The following LRRC4C variants were observed in gnomAD, a reference collection of about 807,000 sequenced individuals.
The protein encoded by LRRC4C is leucine-rich repeat-containing protein 4C.
A neutral mutation model predicts 33.6 loss-of-function variants in LRRC4C; 5 were observed. That is an observed-to-expected ratio of 0.15 (90% confidence interval 0.08 to 0.31). The LOEUF (loss-of-function observed/expected upper bound fraction) is 0.31. Ranked by LOEUF, LRRC4C falls within the 10% of genes least tolerant of loss-of-function variation. LRRC4C has a pLI of 1.00. For synonymous variants in LRRC4C, 329 were observed against 302.0 expected (o/e 1.09, Z -0.93); for missense variants, 560 against 796.7 (o/e 0.70, Z 3.58).
At chr11:40,837,722 T>C (rs1952735229) in intron 2 of LRRC4C, among the ~76,000 whole-genome samples, 5 of 150,740 alleles carry the variant, frequency 3.3e-5, no homozygotes, top group Admixed American at 2.7e-4. Flanking sequence ...TGGTGGTATG[T>C]GCCTGTGGTC....
chr11:40,789,808 G>A (rs1036296851), intron 2 of LRRC4C, among the ~76,000 whole-genome samples: 9 of 152,062 alleles, frequency 5.9e-5, no homozygotes, highest in African/African-American at 2.2e-4. Context: ...CTAGGTTTTG[G>A]GGACTCACAA....
intron 1 of LRRC4C, among the ~76,000 whole-genome samples, chr11:41,385,508 A>T (rs1339807664): frequency 6.6e-6 from 1 of 151,656 alleles, no homozygotes; most frequent in Non-Finnish European, 1.5e-5. Context: ...ACACATGCAT[A>T]AATAAGTTAT....
At chr11:41,347,791 C>T (rs1399360234) in intron 1 of LRRC4C, among the ~76,000 whole-genome samples, 1 of 152,130 alleles carries the variant, frequency 6.6e-6, no homozygotes, top group Non-Finnish European at 1.5e-5. Flanking sequence ...GACAGTCTCT[C>T]AGCTTTATAA....
chr11:40,330,647 A>T (rs1287611272), intron 3 of LRRC4C, among the ~76,000 whole-genome samples: 1 of 152,166 alleles, frequency 6.6e-6, no homozygotes, highest in Non-Finnish European at 1.5e-5. Context: ...CAGGAGACAG[A>T]ATGAGCTGAG....
chr11:40,717,912 T>C (rs546655453), intron 2 of LRRC4C, among the ~76,000 whole-genome samples: 70 of 152,324 alleles, frequency 4.6e-4, no homozygotes, highest in Non-Finnish European at 9.0e-4. Context: ...TGGTAGTATA[T>C]ACCACAATTA....
intron 1 of LRRC4C, among the ~76,000 whole-genome samples, chr11:41,098,131 A>G (rs1247569398): frequency 6.6e-6 from 1 of 152,116 alleles, no homozygotes; most frequent in Non-Finnish European, 1.5e-5. Flanking sequence ...TACGGACACT[A>G]ACATGGGGGG....
chr11:41,090,668 C>T (rs1163809192), intron 1 of LRRC4C, among the ~76,000 whole-genome samples: 1 of 152,092 alleles, frequency 6.6e-6, no homozygotes, highest in Non-Finnish European at 1.5e-5. Context: ...CCCATAATCC[C>T]CACATGTTGA....
At chr11:41,093,927 C>CAAAAAAAAAAA (rs56173087) in intron 1 of LRRC4C, among the ~76,000 whole-genome samples, 2 of 59,004 alleles carry the variant, frequency 3.4e-5, no homozygotes, top group Non-Finnish European at 6.1e-5. Flanking sequence ...CCGTCTCCAC[C>CAAAAAAAAAAA]AAAAAAAAAA....
At chr11:40,665,812 TA>T (rs1943774805) in intron 2 of LRRC4C, among the ~76,000 whole-genome samples, 1 of 152,144 alleles carries the variant, frequency 6.6e-6, no homozygotes, top group African/African-American at 2.4e-5. Flanking sequence ...AACTGCCCCT[TA>T]TTAGATTAGC....
intron 2 of LRRC4C, among the ~76,000 whole-genome samples, chr11:40,916,004 C>T (rs1341372969): frequency 1.3e-5 from 2 of 152,194 alleles, no homozygotes; most frequent in Admixed American, 6.5e-5. Context: ...GAGATACCAG[C>T]TCATACCAGT....
At chr11:41,353,610 C>G (rs1020388391) in intron 1 of LRRC4C, among the ~76,000 whole-genome samples, 1 of 152,036 alleles carries the variant, frequency 6.6e-6, no homozygotes, top group Admixed American at 6.6e-5. Flanking sequence ...AACATAGATG[C>G]AAAAACCTTC....
At chr11:40,623,285 T>C (rs145903363) in intron 3 of LRRC4C, among the ~76,000 whole-genome samples, 1,552 of 152,096 alleles carry the variant, frequency 0.01, 15 homozygotes, top group Middle Eastern at 0.02. Context: ...AAAAAATTAC[T>C]GAAATTTCAT....
At chr11:40,208,948 C>CGTGTGTGTGTGTGTGT (rs58767227) in intron 5 of LRRC4C, among the ~76,000 whole-genome samples, 66 of 146,736 alleles carry the variant, frequency 4.5e-4, no homozygotes, top group Non-Finnish European at 5.7e-4. Context: ...CTTTTGTGCA[C>CGTGTGTGTGTGTGTGT]GTGTGTGTGT....
At chr11:40,979,689 G>A (rs1852369705) in intron 1 of LRRC4C, among the ~76,000 whole-genome samples, 2 of 152,286 alleles carry the variant, frequency 1.3e-5, no homozygotes, top group South Asian at 4.1e-4. Flanking sequence ...AGTGTGAGGT[G>A]AAATCAAAGA....
chr11:40,152,588 C>T (rs969099223), intron 5 of LRRC4C, among the ~76,000 whole-genome samples: 9 of 152,266 alleles, frequency 5.9e-5, no homozygotes, highest in South Asian at 4.1e-4. Flanking sequence ...AAACAGACTC[C>T]GGGCTGTTGT....
chr11:40,662,609 T>A (rs1036166782), intron 2 of LRRC4C, among the ~76,000 whole-genome samples: 3 of 152,196 alleles, frequency 2.0e-5, no homozygotes, highest in African/African-American at 7.2e-5. Context: ...TCAGTTCTGA[T>A]CCTTTTAAAG....
intron 1 of LRRC4C, among the ~76,000 whole-genome samples, chr11:41,166,172 G>T (rs1373023651): frequency 6.6e-6 from 1 of 151,738 alleles, no homozygotes; most frequent in East Asian, 1.9e-4. Context: ...ATAAAACAAG[G>T]TGCTCCATAT....
rs571976834 is a variant in LRRC4C, at chr11:40,371,849, G to A, written c.-269-52128C>T. Reference sequence around the variant, plus strand: ...GGCTCCCAACTGGACAACACGACCTGGGAAAATATTTGTTTTTCATTTATG... The same window carrying A: ...GGCTCCCAACTGGACAACACGACCTAGGAAAATATTTGTTTTTCATTTATG... On this transcript the variant is annotated intron_variant, in intron 3 of 6. Coordinates refer to ENST00000528697, the MANE Select transcript of LRRC4C (RefSeq NM_001258419.2). 2.6e-5 allele frequency among the ~76,000 whole-genome samples: 4 copies of A among 152,244 alleles called. No homozygotes were observed. The South Asian group carries it at 8.3e-4, about 32-fold the overall frequency.
intron 2 of LRRC4C, among the ~76,000 whole-genome samples, chr11:40,921,966 C>T (rs1957201321): frequency 6.6e-6 from 1 of 152,092 alleles, no homozygotes; most frequent in Admixed American, 6.6e-5. Flanking sequence ...ATTTAAATTC[C>T]CTCTTCCTGC....
Sources: allele counts gnomAD v4.1 joint callset (sites outside exome capture counted in the v4.1 genomes callset), GRCh38; gene constraint gnomAD v4.1.1; transcripts MANE v1.5; gene names NCBI Gene and HGNC (gene_info 2026-07-23, HGNC 2026-07-21).